Variants in VPS8 observed in about 807,000 individuals in gnomAD.
The protein encoded by VPS8 is vacuolar protein sorting-associated protein 8 homolog.
A neutral mutation model predicts 216.4 loss-of-function variants in VPS8; 129 were observed. The observed-to-expected ratio is 0.60, with a 90% CI of 0.52 to 0.69. The LOEUF is 0.69. Among genes scored for constraint, VPS8 ranks in the 30% least tolerant of loss-of-function variants. The pLI is 0.00. For missense variants in VPS8, 1,531 were observed against 1,683.5 expected (o/e 0.91, Z 1.59); for synonymous variants, 571 against 565.4 (o/e 1.01, Z -0.14).
At chr3:184,849,453 A>T (rs902826406) in intron 9 of VPS8, 6 of 310,150 alleles carry the variant, frequency 1.9e-5, no homozygotes, top group Non-Finnish European at 3.5e-5. Flanking sequence ...CCAACCAGGG[A>T]TGTTATATAA....
intron 46 of VPS8, among the ~76,000 whole-genome samples, chr3:185,027,235 C>CTTTTTTTTGTTTT (rs1757500400): frequency 1.1e-5 from 1 of 87,758 alleles, no homozygotes; most frequent in African/African-American, 4.7e-5. Context: ...TTTTTATGTT[C>CTTTTTTTTGTTTT]TTTTTTTTTT....
intron 34 of VPS8, among the ~76,000 whole-genome samples, chr3:184,931,831 C>G (rs771899225): frequency 1.3e-5 from 2 of 152,020 alleles, no homozygotes; most frequent in Non-Finnish European, 2.9e-5. Flanking sequence ...CTCTTTAAGT[C>G]TCCATGGTTA....
intron 22 of VPS8, among the ~76,000 whole-genome samples, chr3:184,886,939 G>A (rs748442043): frequency 1.3e-5 from 2 of 152,120 alleles, no homozygotes; most frequent in East Asian, 3.8e-4. Context: ...TTCAAAAAAG[G>A]CTAGATTCAT....
intron 23 of VPS8, among the ~76,000 whole-genome samples, chr3:184,896,138 G>C (rs542672724): frequency 1.1e-4 from 16 of 152,192 alleles, no homozygotes; most frequent in African/African-American, 3.6e-4. Context: ...GAATGGCTGT[G>C]AGTTTGCAAA....
At chr3:185,041,889 A>G (rs1389120716) in intron 46 of VPS8, among the ~76,000 whole-genome samples, 2 of 152,206 alleles carry the variant, frequency 1.3e-5, no homozygotes, top group African/African-American at 2.4e-5. Flanking sequence ...TACAGTATCA[A>G]ACATTGGATT....
At chr3:184,865,590 C>T (rs1276404305) in intron 16 of VPS8, among the ~76,000 whole-genome samples, 1 of 152,102 alleles carries the variant, frequency 6.6e-6, no homozygotes, top group Non-Finnish European at 1.5e-5. Flanking sequence ...AAAAGAATAA[C>T]AAGTGTTGGC....
intron 44 of VPS8, among the ~76,000 whole-genome samples, chr3:184,997,791 A>C (rs1752813332): frequency 6.6e-6 from 1 of 152,244 alleles, no homozygotes; most frequent in Non-Finnish European, 1.5e-5. Context: ...ACTTATGAAC[A>C]GACAACTTAA....
chr3:184,909,899 T>C (rs1736160557), intron 25 of VPS8, among the ~76,000 whole-genome samples: 1 of 152,142 alleles, frequency 6.6e-6, no homozygotes, highest in Non-Finnish European at 1.5e-5. Context: ...CTATCAGGTA[T>C]TTTTCACCAC....
intron 22 of VPS8, among the ~76,000 whole-genome samples, chr3:184,886,501 A>G (rs1731272366): frequency 6.8e-6 from 1 of 147,654 alleles, no homozygotes; most frequent in Admixed American, 6.8e-5. Flanking sequence ...ACACACACAT[A>G]TATATATACA....
Position 184,915,189 on chromosome 3 carries a change from A to G in VPS8, c.2262+136A>G, listed in dbSNP as rs540379887. 4.5e-6 allele frequency: 6 copies of G among 1,322,796 alleles called. 1 individual carries two copies. In the South Asian group the frequency reaches 8.3e-5, roughly 18 times the overall value. The allele number at this position is 1,322,796 out of a possible 1,614,324, so 81.9% of individuals were successfully genotyped here. A position where few individuals can be genotyped will look rare whatever the true frequency, so the allele number is the denominator to read the frequency against. On this transcript the variant is annotated intron_variant, in intron 27 of 47. Transcript: ENST00000625842. Reference sequence around the variant, plus strand: ...AGGAGAGAGCTTACACACTATTACTAAAGTCAATAATTAGAGCTGAGAAAG... The same window carrying G: ...AGGAGAGAGCTTACACACTATTACTGAAGTCAATAATTAGAGCTGAGAAAG...
chr3:185,051,817 G>A, intron 47 of VPS8, 59 bp from the exon 48 acceptor site: 1 of 1,490,900 alleles, frequency 6.7e-7, no homozygotes, highest in Non-Finnish European at 8.9e-7. Flanking sequence ...GTGGATTCAG[G>A]AGCCTCTCTT....
At chr3:184,834,567 G>T in intron 4 of VPS8, 82 bp from the exon 5 acceptor site, 1 of 1,052,938 alleles carries the variant, frequency 9.5e-7, no homozygotes, top group African/African-American at 1.6e-5. Context: ...TTTTGTGCGT[G>T]TGTGTTTTCT....
rs193109941 is a variant in VPS8, at chr3:184,943,640, G to A, written c.3035+3397G>A. On this transcript the variant is annotated intron_variant, in intron 36 of 47. Coordinates refer to ENST00000625842, the MANE Select transcript of VPS8 (RefSeq NM_001009921.3). ...TATTTTTAACCTCCAGGTTTTTTCC[G>A]CCATGAAACTCCTAAAGCAGCATTA... Among the ~76,000 whole-genome samples the A allele has an allele frequency of 1.8e-4, 27 of 152,086 alleles. No individual in the cohort carries two copies. In the East Asian group the frequency reaches 4.1e-3, roughly 23 times the overall value.
chr3:184,908,258 G>A (rs1735846072), intron 25 of VPS8, among the ~76,000 whole-genome samples: 1 of 152,224 alleles, frequency 6.6e-6, no homozygotes, highest in African/African-American at 2.4e-5. Context: ...TGAGGATGGG[G>A]CATTTGAGGG....
In VPS8 at chr3:184,964,503, T is replaced by G; in HGVS notation, c.3219T>G (p.Ala1073=). 6.6e-7 allele frequency: 1 copy of G among 1,520,114 alleles called. No homozygotes were observed. The highest frequency in any genetic ancestry group is 8.9e-7 in the Non-Finnish European group (1 of 1,128,920). The allele number at this position is 1,520,114 out of a possible 1,614,324, so 94.2% of individuals were successfully genotyped here. The change falls in exon 38 of 48, where the codon GCT becomes GCG. Residue 1073 remains alanine, a synonymous_variant. Coordinates refer to ENST00000625842, the MANE Select transcript of VPS8 (RefSeq NM_001009921.3). ...AGTATCAACTTCATGAAGTCACCGC[T>G]TATCTATTGGAAAAGAAAGGAGATA... is the stretch of plus-strand genomic sequence containing the variant. ...TQKYQLHEVT[A]YLLEKKGDIH...
At chr3:184,833,094 C>T (rs910539967) in intron 4 of VPS8, among the ~76,000 whole-genome samples, 2 of 152,114 alleles carry the variant, frequency 1.3e-5, no homozygotes, top group Non-Finnish European at 2.9e-5. Context: ...TTAAACCTGG[C>T]ACAGTGTCTG....
At chr3:184,910,491 C>T (rs1248115539) in intron 25 of VPS8, among the ~76,000 whole-genome samples, 1 of 152,164 alleles carries the variant, frequency 6.6e-6, no homozygotes, top group African/African-American at 2.4e-5. Context: ...GTGTTTCTCT[C>T]CTCACTCCAA....
At chr3:184,924,761 G>A (rs747350540) in intron 29 of VPS8, 101 bp from the exon 30 acceptor site, 9 of 1,389,668 alleles carry the variant, frequency 6.5e-6, no homozygotes, top group African/African-American at 4.4e-5. Context: ...ATCTTTTTAC[G>A]CGTCTTCAGT....
chr3:184,833,871 A>G (rs1720514593), intron 4 of VPS8, among the ~76,000 whole-genome samples: 1 of 152,198 alleles, frequency 6.6e-6, no homozygotes, highest in Non-Finnish European at 1.5e-5. Flanking sequence ...ATTTGCATTT[A>G]TATGGCACTT....
Sources: gnomAD v4.1 joint callset for allele counts (sites outside exome capture counted in the v4.1 genomes callset) on GRCh38, gnomAD v4.1.1 for gene constraint, MANE v1.5 for transcripts, NCBI Gene and HGNC (gene_info 2026-07-23, HGNC 2026-07-21) for gene names.